The following RBFOX1 variants were observed in gnomAD, a reference collection of about 807,000 sequenced individuals.
RBFOX1 encodes the protein RNA binding fox-1 homolog 1, also known as RNA binding protein fox-1 homolog 1.
RBFOX1 carries 8 observed loss-of-function variants against 57.7 expected under a neutral mutation model. That is an observed-to-expected ratio of 0.14 (90% CI 0.08 to 0.25). The LOEUF (loss-of-function observed/expected upper bound fraction) is 0.25. RBFOX1 is among the 10% of genes least tolerant of loss of function. The pLI, the probability that RBFOX1 is intolerant of heterozygous loss-of-function variation, is 1.00. For synonymous variants in RBFOX1, 326 were observed against 222.4 expected, an observed-to-expected ratio of 1.47 and a Z score of -4.15; for missense variants, 611 against 548.5, an observed-to-expected ratio of 1.11 and a Z score of -1.14.
intron 4 of RBFOX1, among the ~76,000 whole-genome samples, chr16:7,246,147 T>C (rs140608120): frequency 1.0e-3 from 158 of 152,308 alleles, no homozygotes; most frequent in Non-Finnish European, 1.8e-3. Context: ...TGGTAAATGT[T>C]TTGTTCAAGT....
intron 2 of RBFOX1, among the ~76,000 whole-genome samples, chr16:6,527,396 C>G (rs2096595974): frequency 6.6e-6 from 1 of 152,036 alleles, no homozygotes; most frequent in African/African-American, 2.4e-5. Flanking sequence ...GTACAGGCTA[C>G]TTCGTCCTTC....
chr16:5,862,805 A>G (rs1158300742), intron 3 of RBFOX1, among the ~76,000 whole-genome samples: 1 of 152,164 alleles, frequency 6.6e-6, no homozygotes, highest in Non-Finnish European at 1.5e-5. Flanking sequence ...TAAAAGTTAT[A>G]CAGGGTAGCC....
At chr16:6,532,901 C>A (rs1324834785) in intron 2 of RBFOX1, among the ~76,000 whole-genome samples, 2 of 152,214 alleles carry the variant, frequency 1.3e-5, no homozygotes, top group East Asian at 1.9e-4. Flanking sequence ...GCCAGTGTCA[C>A]CAACACCACT....
Position 7,426,023 on chromosome 16 carries a change from C to T in RBFOX1, c.28-92124C>T, listed in dbSNP as rs1390057543. On this transcript the variant is annotated intron_variant, in intron 4 of 15. Transcript: ENST00000550418. ...TTTGTTCAAGGCGGCATCTGGGCCT[C>T]GGATGTCGGGAGAGACCCACTGAGG... 4.6e-5 allele frequency among the ~76,000 whole-genome samples: 7 copies of T among 152,166 alleles called. No individual in the cohort carries two copies. The East Asian group carries it at 9.6e-4, about 21-fold the overall frequency.
intron 1 of RBFOX1, among the ~76,000 whole-genome samples, chr16:6,174,472 GT>G (rs1201927990): frequency 1.3e-5 from 2 of 152,142 alleles, no homozygotes; most frequent in African/African-American, 4.8e-5. Flanking sequence ...GTGCGTGCCT[GT>G]AGTCCCAACT....
intron 4 of RBFOX1, among the ~76,000 whole-genome samples, chr16:7,063,063 T>G (rs1486516325): frequency 2.6e-5 from 4 of 152,042 alleles, no homozygotes; most frequent in Non-Finnish European, 4.4e-5. Context: ...CAACTCTTCA[T>G]CATACCCTGC....
chr16:6,872,848 G>A (rs1447425166), intron 3 of RBFOX1, among the ~76,000 whole-genome samples: 5 of 152,144 alleles, frequency 3.3e-5, no homozygotes, highest in Non-Finnish European at 5.9e-5. Flanking sequence ...AGAGTTAACA[G>A]AATATAACAA....
chr16:6,971,694 G>C (rs932867144), intron 3 of RBFOX1, among the ~76,000 whole-genome samples: 3 of 152,108 alleles, frequency 2.0e-5, no homozygotes, highest in Non-Finnish European at 2.9e-5. Context: ...ACTGTTGTTG[G>C]GGTTAGGGTG....
At chr16:7,393,062 C>G (rs1013974405) in intron 4 of RBFOX1, among the ~76,000 whole-genome samples, 1 of 152,182 alleles carries the variant, frequency 6.6e-6, no homozygotes, top group South Asian at 2.1e-4. Flanking sequence ...CTAGTAGAGA[C>G]AGGGTTTCAC....
intron 3 of RBFOX1, among the ~76,000 whole-genome samples, chr16:6,759,502 TGTGTG>T (rs2076298222): frequency 6.7e-6 from 1 of 150,128 alleles, no homozygotes; most frequent in Non-Finnish European, 1.5e-5. Flanking sequence ...TGTGTGTGTG[TGTGTG>T]TGTGTGTGTG....
intron 4 of RBFOX1, among the ~76,000 whole-genome samples, chr16:7,337,080 G>C (rs559672039): frequency 1.3e-5 from 2 of 152,268 alleles, no homozygotes; most frequent in East Asian, 3.9e-4. Flanking sequence ...TCTTAGGTAA[G>C]AAATTGCAGT....
chr16:5,525,203 T>A (rs1381948034), intron 2 of RBFOX1, among the ~76,000 whole-genome samples: 5 of 152,114 alleles, frequency 3.3e-5, no homozygotes, highest in African/African-American at 9.7e-5. Context: ...TGGTCCAGGG[T>A]CCGGTCTTCA....
At chr16:6,759,098 A>G (rs2076223041) in intron 3 of RBFOX1, among the ~76,000 whole-genome samples, 1 of 152,158 alleles carries the variant, frequency 6.6e-6, no homozygotes, top group Non-Finnish European at 1.5e-5. Context: ...TCTACTGAAA[A>G]TAAAGTTGAA....
At chr16:7,084,245 T>C (rs2059641325) in intron 4 of RBFOX1, among the ~76,000 whole-genome samples, 1 of 152,160 alleles carries the variant, frequency 6.6e-6, no homozygotes, top group South Asian at 2.1e-4. Context: ...TATATATGTA[T>C]ATATGTGTGT....
chr16:5,484,519 C>A (rs1169426525), intron 2 of RBFOX1, among the ~76,000 whole-genome samples: 5 of 152,214 alleles, frequency 3.3e-5, no homozygotes, highest in Admixed American at 3.3e-4. Context: ...TGGCCCATGC[C>A]TGTAATCCAG....
intron 1 of RBFOX1, among the ~76,000 whole-genome samples, chr16:6,117,601 A>G (rs1342772078): frequency 6.6e-6 from 1 of 152,248 alleles, no homozygotes; most frequent in Non-Finnish European, 1.5e-5. Flanking sequence ...TGCCGTGTGA[A>G]GACACAGCAT....
intron 4 of RBFOX1, among the ~76,000 whole-genome samples, chr16:7,487,016 C>T (rs949289511): frequency 2.6e-5 from 4 of 152,162 alleles, no homozygotes; most frequent in African/African-American, 7.2e-5. Flanking sequence ...TCTCCTGTCT[C>T]AGCCTCCCGA....
chr16:6,454,113 G>A (rs879440054), intron 2 of RBFOX1, among the ~76,000 whole-genome samples: 12 of 152,164 alleles, frequency 7.9e-5, no homozygotes, highest in Non-Finnish European at 1.0e-4. Context: ...CATGTTGGAT[G>A]AGGGCCCACC....
intron 3 of RBFOX1, among the ~76,000 whole-genome samples, chr16:5,652,745 C>G (rs60565839): frequency 1.3e-5 from 2 of 152,154 alleles, no homozygotes; most frequent in Non-Finnish European, 2.9e-5. Context: ...GATTTGAAAC[C>G]AGACAGACTT....
Sources: gnomAD v4.1 joint callset for allele counts (sites outside exome capture counted in the v4.1 genomes callset) on GRCh38, gnomAD v4.1.1 for gene constraint, MANE v1.5 for transcripts, NCBI Gene and HGNC (gene_info 2026-07-23, HGNC 2026-07-21) for gene names.